The following PCDH15 variants were observed in gnomAD, a reference collection of about 807,000 sequenced individuals.
The protein encoded by PCDH15 is protocadherin related 15.
A neutral mutation model predicts 178.5 loss-of-function variants in PCDH15; 129 were observed. The observed-to-expected ratio is 0.72, with a 90% CI of 0.63 to 0.84. The LOEUF is 0.84. Ranked by LOEUF, PCDH15 falls within the 40% of genes least tolerant of loss-of-function variation. The pLI, the probability that PCDH15 is intolerant of heterozygous loss-of-function variation, is 0.00. For missense variants in PCDH15, 2,230 were observed against 2,099.9 expected (o/e 1.06, Z -1.21); for synonymous variants, 800 against 732.0 (o/e 1.09, Z -1.50).
intron 2 of PCDH15, among the ~76,000 whole-genome samples, chr10:55,120,960 G>A (rs1837751947): frequency 6.6e-6 from 1 of 152,166 alleles, no homozygotes. Flanking sequence ...TCACAGTGGT[G>A]GGGCTGCCCT....
At chr10:53,865,605 T>C (rs367902695) in intron 27 of PCDH15, among the ~76,000 whole-genome samples, 16 of 152,310 alleles carry the variant, frequency 1.1e-4, no homozygotes, top group Middle Eastern at 6.8e-3. Flanking sequence ...AAACTTAATA[T>C]CTCCTATGTC....
intron 15 of PCDH15, among the ~76,000 whole-genome samples, chr10:54,106,910 A>T (rs759631413): frequency 9.9e-5 from 15 of 152,218 alleles, no homozygotes; most frequent in Non-Finnish European, 2.2e-4. Flanking sequence ...TATTTTGTCA[A>T]ATACACATAT....
intron 2 of PCDH15, among the ~76,000 whole-genome samples, chr10:54,565,176 T>C (rs2133440632): frequency 6.6e-6 from 1 of 152,338 alleles, no homozygotes; most frequent in African/African-American, 2.4e-5. Flanking sequence ...GGAGAAAATG[T>C]ACCACCTAAT....
chr10:55,289,447 AAAG>A (rs1194171159), intron 1 of PCDH15, among the ~76,000 whole-genome samples: 3 of 151,964 alleles, frequency 2.0e-5, no homozygotes, highest in Admixed American at 2.0e-4. Flanking sequence ...GGCAGGAACA[AAAG>A]AAGGAATGGA....
At chr10:54,444,021 A>T (rs2075997294) in intron 3 of PCDH15, among the ~76,000 whole-genome samples, 1 of 151,696 alleles carries the variant, frequency 6.6e-6, no homozygotes, top group African/African-American at 2.4e-5. Context: ...AAATAATAGC[A>T]TTGTGAGAGA....
At chr10:55,084,043 T>C (rs1346848645) in intron 2 of PCDH15, among the ~76,000 whole-genome samples, 4 of 151,546 alleles carry the variant, frequency 2.6e-5, no homozygotes, top group Non-Finnish European at 5.9e-5. Flanking sequence ...AAAATATAAA[T>C]GACATTCTTC....
intron 3 of PCDH15, among the ~76,000 whole-genome samples, chr10:54,858,505 A>C (rs1257505866): frequency 6.6e-6 from 1 of 152,106 alleles, no homozygotes; most frequent in East Asian, 1.9e-4. Context: ...TCGCAATCAC[A>C]TGTCTTAGCT....
chr10:55,153,483 A>G (rs1838793577), intron 2 of PCDH15, among the ~76,000 whole-genome samples: 1 of 152,204 alleles, frequency 6.6e-6, no homozygotes, highest in Admixed American at 6.6e-5. Context: ...CGTATAATTT[A>G]TAACAATAAA....
chr10:54,086,110 T>G (rs2094512252), intron 16 of PCDH15, among the ~76,000 whole-genome samples: 1 of 152,062 alleles, frequency 6.6e-6, no homozygotes, highest in East Asian at 1.9e-4. Flanking sequence ...AGAAAATAAG[T>G]TTATTTGTCT....
chr10:54,321,499 A>G (rs1336234926), intron 7 of PCDH15, among the ~76,000 whole-genome samples: 2 of 151,816 alleles, frequency 1.3e-5, no homozygotes, highest in Non-Finnish European at 2.9e-5. Flanking sequence ...ATACACATAC[A>G]TGCATATAAA....
At chr10:54,561,150 T>C (rs2088086229) in intron 2 of PCDH15, among the ~76,000 whole-genome samples, 1 of 152,232 alleles carries the variant, frequency 6.6e-6, no homozygotes, top group African/African-American at 2.4e-5. Flanking sequence ...ACATCTTAAG[T>C]AAAATTTCAA....
chr10:55,241,637 G>A (rs1841545173), intron 1 of PCDH15, among the ~76,000 whole-genome samples: 1 of 151,970 alleles, frequency 6.6e-6, no homozygotes, highest in Admixed American at 6.6e-5. Context: ...TGCTCAGGCT[G>A]GTCTCAAACT....
chr10:53,977,186 G>T (rs2090250464), intron 21 of PCDH15, among the ~76,000 whole-genome samples: 1 of 152,096 alleles, frequency 6.6e-6, no homozygotes, highest in Admixed American at 6.6e-5. Context: ...TTGTCTCAGT[G>T]ATCGGCTTTC....
chr10:54,687,533 G>A (rs1433982579), intron 1 of PCDH15, among the ~76,000 whole-genome samples: 1 of 151,970 alleles, frequency 6.6e-6, no homozygotes, highest in African/African-American at 2.4e-5. Flanking sequence ...GCTTGGCTAG[G>A]TCTAACCTTG....
chr10:54,031,869 T>C (rs955510653), intron 18 of PCDH15, among the ~76,000 whole-genome samples: 2 of 152,062 alleles, frequency 1.3e-5, no homozygotes, highest in Admixed American at 1.3e-4. Context: ...TGTATTTACA[T>C]AGTAAGGCTG....
rs1841507753 is a variant in PCDH15 at position 55,240,314 on chromosome 10, C to G, written c.-155-73663G>C. Among the ~76,000 whole-genome samples the G allele has an allele frequency of 1.3e-5, 2 of 152,016 alleles. 1 individual carries two copies. The highest frequency in any genetic ancestry group is 4.1e-4 in the South Asian group (2 of 4,826). ...ACATGTCTATACTCTATCATTGATT[C>G]TAAATAATTTTGGAATTTCATCACC... On this transcript the variant is annotated intron_variant, in intron 1 of 5. Coordinates refer to the PCDH15 transcript ENST00000458638.
chr10:54,731,426 A>C (rs1438953386), intron 1 of PCDH15, among the ~76,000 whole-genome samples: 1 of 150,084 alleles, frequency 6.7e-6, no homozygotes, highest in Non-Finnish European at 1.5e-5. Flanking sequence ...ATACATTCAC[A>C]AAAAGGCAGT....
rs188205663 is a variant in PCDH15 at position 55,514,394 on chromosome 10, T to C, written c.-156+113231A>G. Among the ~76,000 whole-genome samples, 32 of 152,284 alleles carry C rather than the reference T, an allele frequency of 2.1e-4. No individual in the cohort carries two copies. In the East Asian group the frequency reaches 5.4e-3, roughly 26 times the overall value. ...AGGTCAAGAAAAAACTTCCCTTTTG[T>C]TCTCCGAAAGTTTGCTGAAAATCAC... On this transcript the variant is annotated intron_variant, in intron 2 of 5. Transcript: ENST00000613346.
chr10:55,033,664 T>A (rs1840665839), intron 2 of PCDH15, among the ~76,000 whole-genome samples: 1 of 152,118 alleles, frequency 6.6e-6, no homozygotes, highest in Admixed American at 6.5e-5. Flanking sequence ...GATGTTTAGA[T>A]GAGACTTTGG....
Sources: gnomAD v4.1 joint callset for allele counts (sites outside exome capture counted in the v4.1 genomes callset) on GRCh38, gnomAD v4.1.1 for gene constraint, MANE v1.5 for transcripts, NCBI Gene and HGNC (gene_info 2026-07-23, HGNC 2026-07-21) for gene names.